Variants in WWOX observed in about 807,000 individuals in gnomAD.
WWOX encodes WW domain-containing oxidoreductase.
A neutral mutation model predicts 46.2 loss-of-function variants in WWOX; 69 were observed. That is an observed-to-expected ratio of 1.49 (90% CI 1.23 to 1.82). The LOEUF is 1.82. Ranked by LOEUF, WWOX falls within the 40% of genes most tolerant of loss-of-function variation. The pLI is 0.00. For missense variants in WWOX, 919 were observed against 542.6 expected (o/e 1.69, Z -6.89); for synonymous variants, 359 against 202.6 (o/e 1.77, Z -6.56).
intron 8 of WWOX, among the ~76,000 whole-genome samples, chr16:79,009,482 T>C (rs1401311734): frequency 6.6e-6 from 1 of 152,116 alleles, no homozygotes; most frequent in East Asian, 1.9e-4. Context: ...TTCTTTTTTT[T>C]TTTTAGATGG....
intron 8 of WWOX, among the ~76,000 whole-genome samples, chr16:78,702,224 G>C (rs1216846149): frequency 3.3e-5 from 5 of 149,932 alleles, no homozygotes; most frequent in Admixed American, 1.3e-4. Context: ...AGGCGGCAGT[G>C]AGCAGTGATG....
At chr16:78,372,550 G>A (rs948762905) in intron 5 of WWOX, among the ~76,000 whole-genome samples, 2 of 152,184 alleles carry the variant, frequency 1.3e-5, no homozygotes, top group African/African-American at 4.8e-5. Flanking sequence ...TCTGCTCTCT[G>A]GAGGGAAGTG....
intron 4 of WWOX, among the ~76,000 whole-genome samples, chr16:78,115,810 T>C (rs766523673): frequency 3.3e-5 from 5 of 152,146 alleles, no homozygotes; most frequent in African/African-American, 7.2e-5. Context: ...TTGATCTATT[T>C]ACATAAGTAT....
intron 8 of WWOX, among the ~76,000 whole-genome samples, chr16:78,502,016 G>C (rs1289188101): frequency 1.3e-5 from 2 of 152,134 alleles, no homozygotes; most frequent in African/African-American, 4.8e-5. Context: ...CTTTGCAAAA[G>C]TAAGAATTGT....
chr16:78,772,799 G>C (rs764001590), intron 8 of WWOX, among the ~76,000 whole-genome samples: 32 of 152,232 alleles, frequency 2.1e-4, no homozygotes, highest in African/African-American at 7.0e-4. Flanking sequence ...CAGGAGGATT[G>C]CTTGAGCTCA....
chr16:78,298,846 A>T (rs1472465128), intron 5 of WWOX, among the ~76,000 whole-genome samples: 3 of 152,040 alleles, frequency 2.0e-5, no homozygotes, highest in Non-Finnish European at 4.4e-5. Flanking sequence ...AAGCAAGACC[A>T]TGCATTTACA....
chr16:78,746,795 C>G (rs1007514333), intron 8 of WWOX, among the ~76,000 whole-genome samples: 1 of 152,090 alleles, frequency 6.6e-6, no homozygotes, highest in African/African-American at 2.4e-5. Context: ...CAGTCAATAT[C>G]AGGCCAACCT....
intron 8 of WWOX, among the ~76,000 whole-genome samples, chr16:78,726,290 T>A (rs1014629109): frequency 2.0e-5 from 3 of 151,640 alleles, no homozygotes; most frequent in African/African-American, 7.3e-5. Flanking sequence ...AGTGGCATGA[T>A]CACGGTTCAC....
At chr16:78,184,690 C>T (rs1181901650) in intron 5 of WWOX, among the ~76,000 whole-genome samples, 2 of 152,154 alleles carry the variant, frequency 1.3e-5, no homozygotes, top group African/African-American at 4.8e-5. Flanking sequence ...TTTGTTTACA[C>T]AGTTCCACTG....
At chr16:79,077,368 G>C (rs531350513) in intron 8 of WWOX, 8 of 152,238 alleles carry the variant, frequency 5.3e-5, no homozygotes, top group Non-Finnish European at 1.0e-4. Context: ...TGCCGTGGCC[G>C]GTCCCGACAA....
chr16:78,812,636 G>T (rs1014755454), intron 8 of WWOX, among the ~76,000 whole-genome samples: 19 of 151,950 alleles, frequency 1.3e-4, no homozygotes, highest in African/African-American at 4.1e-4. Flanking sequence ...TGACGCGCGA[G>T]AATCACTTGA....
chr16:78,790,719 C>T (rs867276973), intron 8 of WWOX, among the ~76,000 whole-genome samples: 31 of 152,000 alleles, frequency 2.0e-4, no homozygotes, highest in African/African-American at 5.6e-4. Context: ...ATAAGTAGTA[C>T]TAGTAACATC....
At chr16:79,203,668 C>G (rs953712552) in intron 8 of WWOX, 1 of 152,072 alleles carries the variant, frequency 6.6e-6, no homozygotes, top group African/African-American at 2.4e-5. Context: ...TTCTAAAAGA[C>G]GTAATTTTGC....
chr16:78,171,827 C>A (rs773156067), intron 5 of WWOX, among the ~76,000 whole-genome samples: 1 of 152,144 alleles, frequency 6.6e-6, no homozygotes, highest in Non-Finnish European at 1.5e-5. Context: ...AGTCAATAAG[C>A]GCATGCTCAC....
chr16:78,523,390 A>G (rs1199208958), intron 8 of WWOX, among the ~76,000 whole-genome samples: 1 of 152,206 alleles, frequency 6.6e-6, no homozygotes, highest in African/African-American at 2.4e-5. Context: ...ATGGCTCTAT[A>G]AGAGAGGAAG....
At chr16:78,703,774 C>G (rs1413771512) in intron 8 of WWOX, among the ~76,000 whole-genome samples, 5 of 152,014 alleles carry the variant, frequency 3.3e-5, no homozygotes, top group Admixed American at 2.6e-4. Flanking sequence ...CTGATTTTGA[C>G]TTCACAGGGA....
intron 8 of WWOX, among the ~76,000 whole-genome samples, chr16:78,714,380 C>G (rs978789096): frequency 2.0e-5 from 3 of 151,968 alleles, no homozygotes; most frequent in African/African-American, 4.8e-5. Flanking sequence ...CTTTATAAAA[C>G]CATCAGATCT....
intron 8 of WWOX, among the ~76,000 whole-genome samples, chr16:79,002,259 T>G (rs1567474670): frequency 6.9e-6 from 1 of 144,150 alleles, no homozygotes; most frequent in Non-Finnish European, 1.5e-5. Flanking sequence ...GTTTCACTCT[T>G]CTTGCCCAGG....
At chr16:78,167,894 A>G (rs1487888057) in intron 5 of WWOX, 1 of 151,960 alleles carries the variant, frequency 6.6e-6, no homozygotes, top group Non-Finnish European at 1.5e-5. Context: ...CTGCGCAAGG[A>G]TTTCATCTGG....
Sources: allele counts gnomAD v4.1 joint callset (sites outside exome capture counted in the v4.1 genomes callset), GRCh38; gene constraint gnomAD v4.1.1; transcripts MANE v1.5; gene names NCBI Gene and HGNC (gene_info 2026-07-23, HGNC 2026-07-21).